The following RIMS1 variants were observed in gnomAD, a reference collection of about 807,000 sequenced individuals.
The protein encoded by RIMS1 is regulating synaptic membrane exocytosis protein 1.
Under a neutral mutation model 214.1 loss-of-function variants are expected in RIMS1, and 83 were observed. The ratio of observed to expected loss-of-function variants is 0.39; its 90% confidence interval spans 0.32 to 0.47. The LOEUF (loss-of-function observed/expected upper bound fraction) is 0.47, where lower values mean the gene tolerates loss of function less well. Ranked by LOEUF, RIMS1 falls within the 20% of genes least tolerant of loss-of-function variation. The probability of loss-of-function intolerance (pLI) is 0.99; values close to 1 mark genes in which losing one functional copy is unlikely to be tolerated. For synonymous variants in RIMS1, 793 were observed against 786.8 expected (o/e 1.01, Z -0.13); for missense variants, 2,050 against 2,161.8 (o/e 0.95, Z 1.03).
In RIMS1 at chr6:72,264,969, T is replaced by C. The variant is rs990455170; in HGVS notation, c.3117-6T>C. Reference sequence around the variant, plus strand: ...TTTCCTGCGTGTTTGTGTTGCTACGTTCCAGACATCTTGTTAGGCACTATA... The same window carrying C: ...TTTCCTGCGTGTTTGTGTTGCTACGCTCCAGACATCTTGTTAGGCACTATA... On this transcript the variant is annotated splice_polypyrimidine_tract_variant and splice_region_variant and intron_variant, in intron 19 of 33. Coordinates refer to ENST00000521978, the MANE Select transcript of RIMS1 (RefSeq NM_014989.7). 2.5e-6 allele frequency: 4 copies of C among 1,574,220 alleles called. No homozygotes were observed. In the African/African-American group the frequency reaches 4.1e-5, roughly 16 times the overall value.
intron 6 of RIMS1, among the ~76,000 whole-genome samples, chr6:72,223,934 C>A (rs2059369487): frequency 1.7e-5 from 2 of 117,956 alleles, no homozygotes; most frequent in Non-Finnish European, 1.6e-5. Flanking sequence ...GGTGACAGAG[C>A]GAGACTCCGT....
chr6:72,226,445 T>C (rs2060212985), intron 6 of RIMS1, among the ~76,000 whole-genome samples: 1 of 152,120 alleles, frequency 6.6e-6, no homozygotes, highest in African/African-American at 2.4e-5. Flanking sequence ...GTTTTCTGTT[T>C]TCTCAAAGCC....
At chr6:72,195,881 G>A (rs539583475) in intron 6 of RIMS1, among the ~76,000 whole-genome samples, 1 of 152,090 alleles carries the variant, frequency 6.6e-6, no homozygotes. Flanking sequence ...AGGGGAAGAG[G>A]CACGTCTTAC....
chr6:72,246,211 T>A (rs2154123402), intron 11 of RIMS1, among the ~76,000 whole-genome samples: 1 of 152,306 alleles, frequency 6.6e-6, no homozygotes, highest in Middle Eastern at 3.4e-3. Context: ...GCTAAGCAGC[T>A]CAGTCTCAAG....
At chr6:71,966,492 C>T (rs2151310786) in intron 1 of RIMS1, among the ~76,000 whole-genome samples, 1 of 152,226 alleles carries the variant, frequency 6.6e-6, no homozygotes, top group East Asian at 1.9e-4. Flanking sequence ...AATTTTCTTA[C>T]AAAGATAGGG....
intron 4 of RIMS1, among the ~76,000 whole-genome samples, chr6:72,171,568 T>A (rs1171691902): frequency 6.6e-6 from 1 of 152,184 alleles, no homozygotes; most frequent in East Asian, 1.9e-4. Flanking sequence ...TTTCATTTAA[T>A]TCTCAAAACA....
chr6:72,306,705 T>C (rs562984946), intron 26 of RIMS1, among the ~76,000 whole-genome samples: 16 of 152,312 alleles, frequency 1.1e-4, no homozygotes, highest in African/African-American at 3.8e-4. Flanking sequence ...AAGTCAGTTT[T>C]AAGGACTGGG....
intron 6 of RIMS1, among the ~76,000 whole-genome samples, chr6:72,183,897 T>C (rs562061416): frequency 9.8e-5 from 15 of 152,296 alleles, no homozygotes; most frequent in African/African-American, 3.6e-4. Context: ...TGATAAAACC[T>C]TAAACACACA....
intron 2 of RIMS1, among the ~76,000 whole-genome samples, chr6:72,080,935 G>A (rs1432292613): frequency 6.6e-6 from 1 of 152,188 alleles, no homozygotes; most frequent in Non-Finnish European, 1.5e-5. Context: ...ATTTCACTCT[G>A]AGTAGCTACA....
At chr6:72,310,798 T>C (rs2095472757) in intron 27 of RIMS1, among the ~76,000 whole-genome samples, 1 of 152,170 alleles carries the variant, frequency 6.6e-6, no homozygotes, top group African/African-American at 2.4e-5. Flanking sequence ...AACATATTAG[T>C]TAAAAGTGAA....
At chr6:72,309,430 T>C (rs1009395303) in intron 27 of RIMS1, among the ~76,000 whole-genome samples, 1 of 152,110 alleles carries the variant, frequency 6.6e-6, no homozygotes, top group Non-Finnish European at 1.5e-5. Context: ...TAGTAGAGCC[T>C]CTCTGTATAG....
At chr6:72,272,487 A>G (rs2083936172) in intron 22 of RIMS1, among the ~76,000 whole-genome samples, 2 of 152,170 alleles carry the variant, frequency 1.3e-5, no homozygotes, top group South Asian at 4.1e-4. Context: ...AAGGACTCTA[A>G]GTGTACAAAT....
At chr6:72,216,500 T>C (rs1035766256) in intron 6 of RIMS1, 1 of 985,332 alleles carries the variant, frequency 1.0e-6, no homozygotes, top group African/African-American at 1.7e-5. Flanking sequence ...TGTATACTCT[T>C]GGTTTATGCT....
intron 6 of RIMS1, among the ~76,000 whole-genome samples, chr6:72,215,504 G>A (rs377759876): frequency 2.0e-5 from 3 of 152,094 alleles, no homozygotes; most frequent in Admixed American, 6.5e-5. Context: ...CATGGACTTC[G>A]GGCAATTTAA....
At chr6:71,896,561 A>G (rs1057306632) in intron 1 of RIMS1, among the ~76,000 whole-genome samples, 1 of 152,152 alleles carries the variant, frequency 6.6e-6, no homozygotes, top group Non-Finnish European at 1.5e-5. Context: ...TAGAAGAGAA[A>G]TAAACATGGT....
chr6:72,118,390 A>G (rs2037518277), intron 4 of RIMS1, among the ~76,000 whole-genome samples: 1 of 151,528 alleles, frequency 6.6e-6, no homozygotes, highest in African/African-American at 2.4e-5. Context: ...GCTGAATTCT[A>G]TCAGGCACTC....
chr6:72,087,786 A>G (rs1835044175), intron 2 of RIMS1, among the ~76,000 whole-genome samples: 2 of 152,174 alleles, frequency 1.3e-5, no homozygotes, highest in African/African-American at 4.8e-5. Context: ...TCAAATAAAT[A>G]CTTTAGCATA....
intron 4 of RIMS1, among the ~76,000 whole-genome samples, chr6:72,149,744 CTTG>C (rs926429431): frequency 6.6e-6 from 1 of 152,184 alleles, no homozygotes; most frequent in African/African-American, 2.4e-5. Flanking sequence ...CAGGATTTTT[CTTG>C]TTAAGTTTGC....
chr6:72,228,142 C>G (rs1264408860), intron 6 of RIMS1, among the ~76,000 whole-genome samples: 1 of 151,862 alleles, frequency 6.6e-6, no homozygotes, highest in Non-Finnish European at 1.5e-5. Flanking sequence ...TTATTATTAT[C>G]TTTTTTGTAA....
Sources: allele counts gnomAD v4.1 joint callset (sites outside exome capture counted in the v4.1 genomes callset), GRCh38; gene constraint gnomAD v4.1.1; transcripts MANE v1.5; gene names NCBI Gene and HGNC (gene_info 2026-07-23, HGNC 2026-07-21).